PTPN12: variants seen among roughly 807,000 people sequenced by gnomAD.
PTPN12 encodes the protein tyrosine-protein phosphatase non-receptor type 12.
Under a neutral mutation model 97.6 loss-of-function variants are expected in PTPN12, and 29 were observed. The observed-to-expected ratio is 0.30, with a 90% CI of 0.22 to 0.41. The LOEUF (loss-of-function observed/expected upper bound fraction) is 0.41, where lower values mean the gene tolerates loss of function less well. Among genes scored for constraint, PTPN12 ranks in the 10% least tolerant of loss-of-function variants. PTPN12 has a pLI of 1.00. For missense variants in PTPN12, 819 were observed against 926.0 expected (o/e 0.88, Z 1.50); for synonymous variants, 327 against 300.4 (o/e 1.09, Z -0.91).
intron 9 of PTPN12, among the ~76,000 whole-genome samples, chr7:77,608,662 C>CT (rs1373219617): frequency 1.3e-5 from 2 of 151,918 alleles, no homozygotes; most frequent in Non-Finnish European, 2.9e-5. Flanking sequence ...CCTTATTTCT[C>CT]TTTTTTCCCT....
Position 77,610,806 on chromosome 7 carries a change from A to C in PTPN12, c.804A>C (p.Glu268Asp). The change falls in exon 10 of 18, where the codon GAA becomes GAC. Residue 268 changes from glutamate (E) to aspartate (D), a missense_variant. Physicochemically the swap from Glu to Asp is conservative, Grantham distance 45. Transcript: ENST00000248594. The part of the protein sequence containing the change: ...EEFNVFNLIQ[E>D]MRTQRHSAVQ... ...TTAATGTATTTAATTTAATACAAGA[A>C]ATGAGAACACAAAGGCATTCTGCAG... The C allele has an allele frequency of 2.5e-6, 4 of 1,608,436 alleles. No homozygotes were observed. The highest frequency in any genetic ancestry group is 3.4e-6 in the Non-Finnish European group (4 of 1,178,958).
intron 2 of PTPN12, among the ~76,000 whole-genome samples, chr7:77,581,045 TTTGTTTTG>T (rs1787499194): frequency 1.1e-5 from 1 of 93,250 alleles, no homozygotes; most frequent in Admixed American, 1.5e-4. Context: ...GTTTTTTTGT[TTTGTTTTG>T]TTTTGTTTTG....
intron 2 of PTPN12, among the ~76,000 whole-genome samples, chr7:77,574,841 C>A (rs1443714296): frequency 6.7e-6 from 1 of 150,036 alleles, no homozygotes; most frequent in African/African-American, 2.4e-5. Context: ...ATTTTTTTTT[C>A]TTTTTTTTGA....
At chr7:77,586,925 G>A (rs1787710027) in intron 5 of PTPN12, among the ~76,000 whole-genome samples, 1 of 152,186 alleles carries the variant, frequency 6.6e-6, no homozygotes, top group Admixed American at 6.5e-5. Flanking sequence ...TTTATCATGA[G>A]ATTGTGGCAA....
chr7:77,551,304 A>G (rs1302068893), intron 1 of PTPN12, among the ~76,000 whole-genome samples: 1 of 152,010 alleles, frequency 6.6e-6, no homozygotes, highest in Non-Finnish European at 1.5e-5. Context: ...CAGGTAATCC[A>G]CCCGCCTTGG....
chr7:77,561,163 G>A (rs971455335), intron 1 of PTPN12, among the ~76,000 whole-genome samples: 2 of 152,170 alleles, frequency 1.3e-5, no homozygotes, highest in South Asian at 2.1e-4. Context: ...TGGCACAAGC[G>A]ATCCTCCTGC....
In PTPN12 at chr7:77,564,026, C is replaced by T. The variant is rs561735916; in HGVS notation, c.100-7052C>T. 652 of 316,706 alleles carry T rather than the reference C, an allele frequency of 2.1e-3. 3 individuals are homozygous for T. Among genetic ancestry groups the T allele is most frequent in the Non-Finnish European group, 3.1e-3 (483 of 156,674 alleles). 19.6% of individuals were successfully genotyped at this position (316,706 alleles called of 1,614,324 possible). On this transcript the variant is annotated intron_variant, in intron 1 of 17. Coordinates refer to ENST00000248594, the MANE Select transcript of PTPN12 (RefSeq NM_002835.4). Reference sequence around the variant, plus strand: ...CTGAGTAGCTGGGACTACGGGCACACACCACGAGGCTTGGCTAATTTTTGT... The same window carrying T: ...CTGAGTAGCTGGGACTACGGGCACATACCACGAGGCTTGGCTAATTTTTGT...
chr7:77,605,127 A>G (rs1366713211), intron 8 of PTPN12, among the ~76,000 whole-genome samples: 1 of 152,148 alleles, frequency 6.6e-6, no homozygotes, highest in Non-Finnish European at 1.5e-5. Flanking sequence ...ACTAAAAATT[A>G]ATATAATTGA....
intron 1 of PTPN12, among the ~76,000 whole-genome samples, chr7:77,544,201 CCTACTGGGTGTGAAGTGGTAT>C (rs1392592570): frequency 1.3e-5 from 2 of 152,208 alleles, no homozygotes. Flanking sequence ...TTATAGGCAT[CCTACTGGGTGTGAAGTGGTAT>C]CTTCTTGTGG....
chr7:77,580,369 T>G (rs1271451332), intron 2 of PTPN12, among the ~76,000 whole-genome samples: 5 of 152,206 alleles, frequency 3.3e-5, no homozygotes, highest in Non-Finnish European at 7.3e-5. Context: ...TAAATCTTTC[T>G]GTGCTTTGGG....
intron 1 of PTPN12, among the ~76,000 whole-genome samples, chr7:77,554,575 C>T (rs891438444): frequency 6.6e-6 from 1 of 152,040 alleles, no homozygotes; most frequent in Non-Finnish European, 1.5e-5. Flanking sequence ...ATTTCTTCTT[C>T]CTTTCTTTAT....
At position 77,626,735 on chromosome 7, in the gene PTPN12, A is replaced by G. The variant is rs2151394516; in HGVS notation, c.1056A>G (p.Glu352=). ...SCLVEGDAKE[E]ILQPPEPHPV... ...TTGTTGAAGGGGATGCTAAAGAAGA[A>G]ATACTGCAGCCACCGGAACCTCATC... Residue 352 remains glutamate, a synonymous_variant, in exon 13 of 18, where the codon GAA becomes GAG. Transcript: ENST00000248594. 6.2e-7 allele frequency: 1 copy of G among 1,602,958 alleles called. No individual in the cohort carries two copies. The highest frequency in any genetic ancestry group is 8.5e-7 in the Non-Finnish European group (1 of 1,176,002).
At position 77,625,572 on chromosome 7, in the gene PTPN12, T is replaced by TG. The variant is rs1332426292; in HGVS notation, c.1026-1133_1026-1132insG. On this transcript the variant is annotated intron_variant, in intron 12 of 17. Coordinates refer to ENST00000248594, the MANE Select transcript of PTPN12 (RefSeq NM_002835.4). Reference sequence around the variant, plus strand: ...CTCTCTCGCTCTCTCTCTCTTTTTTTTTTTTTTTTTTTTTTTGGAGACAGT... The same window carrying TG: ...CTCTCTCGCTCTCTCTCTCTTTTTTTGTTTTTTTTTTTTTTTTGGAGACAGT... Among the ~76,000 whole-genome samples, 3 of 108,212 alleles carry TG rather than the reference T, an allele frequency of 2.8e-5. 1 individual carries two copies. The highest frequency in any genetic ancestry group is 1.1e-4 in the African/African-American group (3 of 26,096). 71.0% of individuals were successfully genotyped at this position (108,212 alleles called of 152,430 possible).
chr7:77,574,566 T>C (rs7810313), intron 2 of PTPN12, among the ~76,000 whole-genome samples: 109,814 of 151,978 alleles, frequency 0.72, 41,080 homozygotes, highest in East Asian at 0.9. Context: ...AACTGGGGTA[T>C]GGGAGTGGAC....
chr7:77,571,695 TTTTA>T (rs61370850), intron 2 of PTPN12, among the ~76,000 whole-genome samples: 66,147 of 150,640 alleles, frequency 0.44, 16,282 homozygotes, highest in East Asian at 0.74. Flanking sequence ...TCTAATGATA[TTTTA>T]TTTATTTATT....
At chr7:77,615,158 G>A (rs116625565) in intron 11 of PTPN12, among the ~76,000 whole-genome samples, 2,373 of 152,192 alleles carry the variant, frequency 0.016, 61 homozygotes, top group African/African-American at 0.054. Context: ...GTCAACACCA[G>A]TATTTCAGTT....
At position 77,581,462 on chromosome 7, in the gene PTPN12, C is replaced by T; in HGVS notation, c.244C>T (p.Pro82Ser). The change falls in exon 3 of 18, where the codon CCT (proline) becomes TCT (serine). Residue 82 changes from proline to serine, a missense_variant. This residue lies in a region of PTPN12 where 66 missense variants were observed against 133.6 expected (regional missense o/e 0.49). Transcript: ENST00000248594. ...CCGAGTTAAATTGACATTAAAGACT[C>T]CTTCACAAGATTCAGACTATATCAA... is the stretch of plus-strand genomic sequence containing the variant. ...HSRVKLTLKT[P>S]SQDSDYINAN... 1 of 1,608,142 alleles carries T rather than the reference C, an allele frequency of 6.2e-7. No individual in the cohort carries two copies.
Position 77,573,104 on chromosome 7 carries a change from AC to A in PTPN12, c.208+1919del, listed in dbSNP as rs926226307. ...TCTCAAAAAAAAAAAAAACAAAAAA[AC>A]AAAAAAAACCAGTGTACCTAGCACA... On this transcript the variant is annotated intron_variant, in intron 2 of 17. Transcript: ENST00000248594. Among the ~76,000 whole-genome samples, 378 of 46,818 alleles carry A rather than the reference AC, an allele frequency of 8.1e-3. 100 individuals carry two copies. The highest frequency in any genetic ancestry group is 0.02 in the East Asian group (5 of 252). 30.7% of individuals were successfully genotyped at this position (46,818 alleles called of 152,430 possible).
intron 1 of PTPN12, among the ~76,000 whole-genome samples, chr7:77,552,424 T>G (rs1429276526): frequency 3.3e-5 from 5 of 152,218 alleles, no homozygotes; most frequent in African/African-American, 7.2e-5. Context: ...GGTCTCAGCA[T>G]CATATGTATG....
Sources: allele counts gnomAD v4.1 joint callset (sites outside exome capture counted in the v4.1 genomes callset), GRCh38; gene constraint gnomAD v4.1.1; regional missense constraint gnomAD v4.1.1; transcripts MANE v1.5; gene names NCBI Gene and HGNC (gene_info 2026-07-23, HGNC 2026-07-21).